The following RPS6KA6 variants were observed in gnomAD, a reference collection of about 807,000 sequenced individuals.
RPS6KA6 encodes the protein ribosomal protein S6 kinase alpha-6.
Under a neutral mutation model 65.4 loss-of-function variants are expected in RPS6KA6, and 27 were observed. The ratio of observed to expected loss-of-function variants is 0.41; its 90% CI spans 0.30 to 0.57. RPS6KA6 has a LOEUF of 0.57. Among genes scored for constraint, RPS6KA6 ranks in the 20% least tolerant of loss-of-function variants. The pLI is 0.24. For synonymous variants in RPS6KA6, 190 were observed against 184.2 expected (o/e 1.03, Z -0.26); for missense variants, 486 against 555.6 (o/e 0.87, Z 1.26).
At chrX:84,150,734 A>G (rs1346806229) in intron 3 of RPS6KA6, among the ~76,000 whole-genome samples, 1 of 107,128 alleles carries the variant, frequency 9.3e-6, no homozygotes, top group East Asian at 2.9e-4. Context: ...ATATAACAGT[A>G]AGGAAAACAT....
chrX:84,171,057 C>T (rs1037979017), intron 1 of RPS6KA6, among the ~76,000 whole-genome samples: 1 of 111,307 alleles, frequency 9.0e-6, no homozygotes, highest in Non-Finnish European at 1.9e-5. Flanking sequence ...GAAGCCAGGG[C>T]CCTCAGTCCT....
chrX:84,140,708 G>A (rs1211837938), intron 6 of RPS6KA6, among the ~76,000 whole-genome samples: 4 of 93,481 alleles, frequency 4.3e-5, no homozygotes, highest in Non-Finnish European at 8.6e-5. Flanking sequence ...CACTCCAGCC[G>A]GGGCAATAGA....
rs1199617222 is a variant in RPS6KA6, at chrX:84,182,057, TCTCTCTCACACA to T, written c.81+5750_81+5761del. The stretch of plus-strand genomic sequence containing the variant: ...CTCTGTCTCTCTCTCTCTCTCTCTC[TCTCTCTCACACA>T]CACACACACACACACACACACACGT... On this transcript the variant is annotated intron_variant, in intron 1 of 21. Coordinates refer to ENST00000262752, the MANE Select transcript of RPS6KA6 (RefSeq NM_014496.5). 7.8e-4 allele frequency among the ~76,000 whole-genome samples: 77 copies of T among 98,415 alleles called. No individual in the cohort carries two copies. In the East Asian group the frequency reaches 0.014, roughly 17 times the overall value. The allele number at this position is 98,415 out of a possible 115,157, so 85.5% of individuals were successfully genotyped here. A position where few individuals can be genotyped will look rare whatever the true frequency, so the allele number is the denominator to read the frequency against.
intron 1 of RPS6KA6, among the ~76,000 whole-genome samples, chrX:84,165,545 A>G (rs1342407614): frequency 1.8e-5 from 2 of 111,432 alleles, no homozygotes; most frequent in Non-Finnish European, 3.8e-5. Flanking sequence ...CACAGTAGAC[A>G]TCAACAAAAA....
At chrX:84,157,672 T>C (rs903468316) in intron 2 of RPS6KA6, among the ~76,000 whole-genome samples, 5 of 110,840 alleles carry the variant, frequency 4.5e-5, no homozygotes, top group African/African-American at 1.6e-4. Context: ...TGTCTGTGAT[T>C]CTATACTGAA....
In RPS6KA6 at chrX:84,187,976, C is replaced by A; in HGVS notation, c.-77G>T. ...CGCGCATCCTGTCTATTGAACTGGC[C>A]CGCCGCCGCCGCCGCCGCCGCCGCC... On this transcript the variant is annotated 5_prime_UTR_variant, in exon 1 of 22. Coordinates refer to ENST00000262752, the MANE Select transcript of RPS6KA6 (RefSeq NM_014496.5). The A allele has an allele frequency of 4.0e-6, 1 of 248,197 alleles. No individual in the cohort carries two copies. Among genetic ancestry groups the A allele is most frequent in the Non-Finnish European group, 5.8e-6 (1 of 172,895 alleles). 20.5% of individuals were successfully genotyped at this position (248,197 alleles called of 1,213,427 possible). A position where few individuals can be genotyped will look rare whatever the true frequency, so the allele number is the denominator to read the frequency against.
intron 20 of RPS6KA6, among the ~76,000 whole-genome samples, chrX:84,084,265 T>C (rs1344712222): frequency 1.8e-5 from 2 of 112,622 alleles, no homozygotes; most frequent in Non-Finnish European, 3.7e-5. Flanking sequence ...TTTGTCATTT[T>C]TGTCATTGAA....
chrX:84,140,141 G>C (rs777074972), intron 6 of RPS6KA6, among the ~76,000 whole-genome samples: 1 of 111,548 alleles, frequency 9.0e-6, no homozygotes, highest in African/African-American at 3.3e-5. Context: ...CGAAGGGTTA[G>C]AGGAACCAGT....
Position 84,063,209 on chromosome X carries a change from T to G in RPS6KA6, c.*1068A>C, listed in dbSNP as rs2147312050. 9.0e-6 allele frequency: 1 copy of G among 111,557 alleles called. No individual in the cohort carries two copies. The highest frequency in any genetic ancestry group is 1.9e-5 in the Non-Finnish European group (1 of 53,020). The allele number at this position is 111,557 out of a possible 1,213,427, so 9.2% of individuals were successfully genotyped here. A position where few individuals can be genotyped will look rare whatever the true frequency, so the allele number is the denominator to read the frequency against. On this transcript the variant is annotated 3_prime_UTR_variant, in exon 22 of 22. Coordinates refer to ENST00000262752, the MANE Select transcript of RPS6KA6 (RefSeq NM_014496.5). ...ATGAAGTAAAATGATTAAGTAGCATTGTCTAAAGTTTACTGTAATACAATA... is the reference window on the plus strand; with the variant it reads ...ATGAAGTAAAATGATTAAGTAGCATGGTCTAAAGTTTACTGTAATACAATA...
intron 2 of RPS6KA6, among the ~76,000 whole-genome samples, chrX:84,163,514 C>A (rs2147605451): frequency 9.5e-6 from 1 of 105,643 alleles, no homozygotes; most frequent in African/African-American, 3.5e-5. Flanking sequence ...TGGCGGGCGC[C>A]TGTAGTCCCA....
intron 6 of RPS6KA6, among the ~76,000 whole-genome samples, chrX:84,145,242 T>C (rs1336628275): frequency 9.0e-6 from 1 of 111,147 alleles, no homozygotes; most frequent in Non-Finnish European, 1.9e-5. Flanking sequence ...GTCCTAGGCT[T>C]GCCCGTATCT....
chrX:84,081,396 C>T (rs1423070210), intron 20 of RPS6KA6, among the ~76,000 whole-genome samples: 1 of 111,545 alleles, frequency 9.0e-6, no homozygotes, highest in East Asian at 2.8e-4. Context: ...TGGAAACATA[C>T]ACCCTCCCAA....
chrX:84,095,611 G>A (rs1283297434), intron 20 of RPS6KA6, among the ~76,000 whole-genome samples: 1 of 82,128 alleles, frequency 1.2e-5, no homozygotes, highest in African/African-American at 3.6e-5. Flanking sequence ...TTTTTATATT[G>A]AATAGTATTT....
intron 20 of RPS6KA6, among the ~76,000 whole-genome samples, chrX:84,090,297 T>C (rs1422232828): frequency 8.9e-6 from 1 of 112,373 alleles, no homozygotes; most frequent in African/African-American, 3.2e-5. Flanking sequence ...TTATTGCATT[T>C]GCTAATGTAC....
intron 8 of RPS6KA6, among the ~76,000 whole-genome samples, chrX:84,129,257 T>C (rs1015025601): frequency 9.9e-5 from 11 of 111,371 alleles, no homozygotes; most frequent in Admixed American, 1.9e-4. Flanking sequence ...CTCAACATCA[T>C]TGATCACCAG....
intron 8 of RPS6KA6, 25 bp downstream of exon 8, chrX:84,134,757 G>C (rs773036964): frequency 4.9e-6 from 5 of 1,012,031 alleles, no homozygotes; most frequent in Non-Finnish European, 5.4e-6. Flanking sequence ...AAGTGGCTAA[G>C]GGTATAATAA....
chrX:84,070,976 A>G (rs1187798898), intron 20 of RPS6KA6, among the ~76,000 whole-genome samples: 1 of 111,761 alleles, frequency 8.9e-6, no homozygotes, highest in African/African-American at 3.2e-5. Flanking sequence ...ATGTTAGGCA[A>G]TAAAGGAAAG....
At chrX:84,181,760 G>A (rs1276001707) in intron 1 of RPS6KA6, among the ~76,000 whole-genome samples, 1 of 110,132 alleles carries the variant, frequency 9.1e-6, no homozygotes, top group African/African-American at 3.3e-5. Flanking sequence ...AGCCAGAGTT[G>A]AGAAAAACCA....
At chrX:84,140,733 C>CAAAAA (rs776505772) in intron 6 of RPS6KA6, among the ~76,000 whole-genome samples, 18 of 41,671 alleles carry the variant, frequency 4.3e-4, no homozygotes, top group East Asian at 9.9e-4. Context: ...GACTCCATCT[C>CAAAAA]AAAAAAAAAA....
Sources: gnomAD v4.1 joint callset for allele counts (sites outside exome capture counted in the v4.1 genomes callset) on GRCh38, gnomAD v4.1.1 for gene constraint, MANE v1.5 for transcripts, NCBI Gene and HGNC (gene_info 2026-07-23, HGNC 2026-07-21) for gene names.